The following PPM1B variants were observed in gnomAD, a reference collection of about 807,000 sequenced individuals.
The protein encoded by PPM1B is protein phosphatase 1B.
PPM1B carries 22 observed loss-of-function variants against 43.0 expected under a neutral mutation model. The ratio of observed to expected loss-of-function variants is 0.51; its 90% CI spans 0.37 to 0.73. The LOEUF is 0.73. Ranked by LOEUF, PPM1B falls within the 30% of genes least tolerant of loss-of-function variation. PPM1B has a pLI of 0.00. For synonymous variants in PPM1B, 217 were observed against 197.9 expected (o/e 1.10, Z -0.81); for missense variants, 632 against 584.2 (o/e 1.08, Z -0.84).
chr2:44,203,444 G>T lies in PPM1B; in HGVS notation c.846+1399G>T, dbSNP rs1236171131. Among the ~76,000 whole-genome samples the T allele has an allele frequency of 2.0e-5, 3 of 149,712 alleles. No homozygotes were observed. In the East Asian group the frequency reaches 5.9e-4, roughly 29 times the overall value. On this transcript the variant is annotated intron_variant, in intron 2 of 5. Coordinates refer to ENST00000282412, the MANE Select transcript of PPM1B (RefSeq NM_002706.6). ...TAGGCATATGTTTGTTGCCTGACTA[G>T]CTAATGAAAACAGCATTTTCCCCAA... is the stretch of plus-strand genomic sequence containing the variant.
rs747174699 is a variant in PPM1B, at chr2:44,244,283, A to T, written n.1602A>T. 26 of 1,361,366 alleles carry T rather than the reference A, an allele frequency of 1.9e-5. No individual in the cohort carries two copies. The South Asian group carries it at 2.4e-4, about 13-fold the overall frequency. The allele number at this position is 1,361,366 out of a possible 1,614,324, so 84.3% of individuals were successfully genotyped here. A position where few individuals can be genotyped will look rare whatever the true frequency, so the allele number is the denominator to read the frequency against. Reference sequence around the variant, plus strand: ...CCTGCTGAGAGCTCTGGTGACAAGAAAGGCAGTGGCTGGCAGACCTTCCAA... The same window carrying T: ...CCTGCTGAGAGCTCTGGTGACAAGATAGGCAGTGGCTGGCAGACCTTCCAA... On this transcript the variant is annotated non_coding_transcript_exon_variant, in exon 6 of 6. Transcript: ENST00000378540.
rs1047313042 is a variant in PPM1B at position 44,201,049 on chromosome 2, C to G, written c.-14-137C>G. The G allele has an allele frequency of 1.1e-6, 1 of 906,462 alleles. No homozygotes were observed. The highest frequency in any genetic ancestry group is 1.7e-5 in the African/African-American group (1 of 59,134). 56.2% of individuals were successfully genotyped at this position (906,462 alleles called of 1,614,324 possible). On this transcript the variant is annotated intron_variant, in intron 1 of 5. Coordinates refer to ENST00000282412, the MANE Select transcript of PPM1B (RefSeq NM_002706.6). The surrounding 1 kb of genome is among the most constrained non-coding windows in gnomAD (Gnocchi z 5.4). ...GATGTAGGGGAGGAAATTTCTTGGGCTTTTGTTGTTGCTCCCGTAAATTAG... is the reference window on the plus strand; with the variant it reads ...GATGTAGGGGAGGAAATTTCTTGGGGTTTTGTTGTTGCTCCCGTAAATTAG...
intron 2 of PPM1B, among the ~76,000 whole-genome samples, chr2:44,206,112 G>T (rs1669177971): frequency 6.6e-6 from 1 of 152,118 alleles, no homozygotes; most frequent in African/African-American, 2.4e-5. Context: ...CTTTGATCTG[G>T]TACTATGATT....
intron 1 of PPM1B, among the ~76,000 whole-genome samples, chr2:44,183,926 G>C (rs1282609347): frequency 6.6e-6 from 1 of 152,144 alleles, no homozygotes; most frequent in Non-Finnish European, 1.5e-5. Flanking sequence ...CTTTATTAGA[G>C]ATGGGGTTTC....
intron 5 of PPM1B, among the ~76,000 whole-genome samples, chr2:44,220,802 C>G (rs1669945726): frequency 6.6e-6 from 1 of 152,182 alleles, no homozygotes; most frequent in East Asian, 1.9e-4. Context: ...GGGGGAAAGT[C>G]AGCTTCTTAG....
At chr2:44,227,711 G>C (rs1471404940) in intron 5 of PPM1B, among the ~76,000 whole-genome samples, 1 of 151,024 alleles carries the variant, frequency 6.6e-6, no homozygotes, top group East Asian at 2.0e-4. Flanking sequence ...GTAGAGATGG[G>C]GTTTCACCAT....
At chr2:44,173,676 C>T (rs534056678) in intron 1 of PPM1B, among the ~76,000 whole-genome samples, 1 of 152,200 alleles carries the variant, frequency 6.6e-6, no homozygotes, top group Admixed American at 6.5e-5. Context: ...GGCACAGTGG[C>T]TCATGCCTGT....
At chr2:44,184,066 G>C (rs919911926) in intron 1 of PPM1B, among the ~76,000 whole-genome samples, 5 of 152,208 alleles carry the variant, frequency 3.3e-5, no homozygotes, top group Non-Finnish European at 7.3e-5. Context: ...CTTGATAGTT[G>C]TGTGTCTTTG....
intron 1 of PPM1B, among the ~76,000 whole-genome samples, chr2:44,197,901 C>T (rs1305254259): frequency 2.0e-5 from 3 of 152,112 alleles, no homozygotes; most frequent in South Asian, 2.1e-4. Context: ...GCATTGTTAT[C>T]GCTATTTATG....
chr2:44,205,374 T>TGTGTGTGTGTGTGG (rs1553333054), intron 2 of PPM1B, among the ~76,000 whole-genome samples: 1 of 151,354 alleles, frequency 6.6e-6, no homozygotes, highest in African/African-American at 2.4e-5. Context: ...TGTGTGTGTG[T>TGTGTGTGTGTGTGG]GTGTGTAAGT....
At chr2:44,210,468 C>T (rs1392460937) in intron 3 of PPM1B, among the ~76,000 whole-genome samples, 2 of 152,286 alleles carry the variant, frequency 1.3e-5, no homozygotes, top group South Asian at 2.1e-4. Flanking sequence ...AGTCCTCCCA[C>T]ATTGGCCTAC....
chr2:44,190,730 T>C (rs771395430), intron 1 of PPM1B, among the ~76,000 whole-genome samples: 9 of 152,190 alleles, frequency 5.9e-5, no homozygotes, highest in Admixed American at 1.3e-4. Context: ...TCTACATATG[T>C]GTTTACATTG....
chr2:44,199,871 G>A (rs1292783159), intron 1 of PPM1B, among the ~76,000 whole-genome samples: 1 of 151,720 alleles, frequency 6.6e-6, no homozygotes, highest in Non-Finnish European at 1.5e-5. Context: ...TATATATATC[G>A]AGTGGTTCAT....
At chr2:44,224,130 T>C (rs910515889) in intron 5 of PPM1B, among the ~76,000 whole-genome samples, 3 of 152,138 alleles carry the variant, frequency 2.0e-5, no homozygotes, top group African/African-American at 7.2e-5. Flanking sequence ...GTGTTTACTT[T>C]TTCTCTACTG....
chr2:44,232,148 A>G (rs1213166565), downstream of PPM1B, among the ~76,000 whole-genome samples: 3 of 152,354 alleles, frequency 2.0e-5, no homozygotes, highest in East Asian at 5.8e-4. Flanking sequence ...TATTAGATAC[A>G]CGTGTACACA....
downstream of PPM1B, among the ~76,000 whole-genome samples, chr2:44,238,293 ATAAT>A (rs1222386971): frequency 2.0e-5 from 3 of 152,326 alleles, no homozygotes; most frequent in Non-Finnish European, 2.9e-5. Flanking sequence ...CCTATGAATA[ATAAT>A]TATATAGTAT....
At chr2:44,202,938 T>G (rs1441498735) in intron 2 of PPM1B, among the ~76,000 whole-genome samples, 3 of 152,174 alleles carry the variant, frequency 2.0e-5, no homozygotes, top group African/African-American at 4.8e-5. Flanking sequence ...GTGTAAGTAT[T>G]TGACTGAAAA....
intron 1 of PPM1B, among the ~76,000 whole-genome samples, chr2:44,193,008 G>C (rs747761071): frequency 6.6e-6 from 1 of 152,048 alleles, no homozygotes; most frequent in Non-Finnish European, 1.5e-5. Flanking sequence ...CTTGGTTTTG[G>C]TAAATAATGC....
intron 1 of PPM1B, among the ~76,000 whole-genome samples, chr2:44,172,430 C>T (rs544803190): frequency 1.3e-5 from 2 of 152,234 alleles, no homozygotes; most frequent in South Asian, 4.1e-4. Context: ...ATAAAATTTG[C>T]AGAATGACAG....
Sources: allele counts gnomAD v4.1 joint callset (sites outside exome capture counted in the v4.1 genomes callset), GRCh38; gene constraint gnomAD v4.1.1; non-coding constraint Gnocchi (gnomAD v3.1); transcripts MANE v1.5; gene names NCBI Gene and HGNC (gene_info 2026-07-23, HGNC 2026-07-21).